CCDC187: variants seen among roughly 807,000 people sequenced by gnomAD.
CCDC187 encodes coiled-coil domain-containing protein 187.
A neutral mutation model predicts 38.0 loss-of-function variants in CCDC187; 32 were observed. That is an observed-to-expected ratio of 0.84 (90% CI 0.64 to 1.13). The LOEUF is 1.13. CCDC187 is among the 50% of genes most tolerant of loss of function. The pLI is 0.00. For missense variants in CCDC187, 707 were observed against 786.8 expected (o/e 0.90, Z 1.21); for synonymous variants, 333 against 347.9 (o/e 0.96, Z 0.48).
intron 14 of CCDC187, among the ~76,000 whole-genome samples, chr9:136,273,041 T>C (rs925343670): frequency 1.3e-5 from 2 of 152,136 alleles, no homozygotes; most frequent in East Asian, 3.9e-4. Context: ...GAGCCAACAA[T>C]GGAGATAAAA....
upstream of CCDC187, among the ~76,000 whole-genome samples, chr9:136,306,358 C>G (rs1048064592): frequency 2.0e-5 from 3 of 152,196 alleles, no homozygotes; most frequent in Admixed American, 2.0e-4. Context: ...CTCAGTGAGG[C>G]ACATGCAGTT....
intron 9 of CCDC187, among the ~76,000 whole-genome samples, chr9:136,282,622 C>T (rs1831072187): frequency 6.6e-6 from 1 of 152,204 alleles, no homozygotes; most frequent in Non-Finnish European, 1.5e-5. Flanking sequence ...AAGATGCTGC[C>T]CACACCTGTG....
rs1309914663 is a variant in CCDC187, at chr9:136,254,851, G to A, written c.4977C>T (p.Asp1659=). 6 of 982,538 alleles carry A rather than the reference G, an allele frequency of 6.1e-6. No homozygotes were observed. The East Asian group carries it at 3.4e-4, about 56-fold the overall frequency. The allele number at this position is 982,538 out of a possible 1,614,324, so 60.9% of individuals were successfully genotyped here. A position where few individuals can be genotyped will look rare whatever the true frequency, so the allele number is the denominator to read the frequency against. ...GCTCTCCAGGCCAGCTGAAACCTTC[G>A]TCTGGGGAGTCTTCAGCTTCCAAGC... is the stretch of plus-strand genomic sequence containing the variant. ...LPSLEAEDSP[D]EGFSWPGELS... is the part of the protein sequence containing the mutation. Residue 1659 remains aspartate, a synonymous_variant, in exon 26 of 26, where the codon GAC becomes GAT. Transcript: ENST00000638797.
rs1830567683 is a variant in CCDC187 at position 136,252,998 on chromosome 9, GC to G, written c.*595del. ...GGGCACTTGGCCTGGGAGAGAGGCT[GC>G]CGGGGCTGCCAACCAGGGACATGGA... On this transcript the variant is annotated 3_prime_UTR_variant, in exon 26 of 26. Transcript: ENST00000638797. 6.6e-6 allele frequency: 1 copy of G among 152,636 alleles called. No homozygotes were observed. Among genetic ancestry groups the G allele is most frequent in the Non-Finnish European group, 1.5e-5 (1 of 68,406 alleles). 9.5% of individuals were successfully genotyped at this position (152,636 alleles called of 1,614,324 possible).
chr9:136,271,180 A>C (rs1271840179), intron 14 of CCDC187, among the ~76,000 whole-genome samples: 4 of 152,210 alleles, frequency 2.6e-5, no homozygotes, highest in African/African-American at 7.2e-5. Flanking sequence ...TCCAAATTTG[A>C]AGAAAATGAA....
Position 136,264,674 on chromosome 9 carries a change from G to A in CCDC187, c.3736-876C>T, listed in dbSNP as rs1020344318. ...CATCCAGGGCAGGGATGGGGATCCCGGGGCTTTCCAGTCAACATAAGGTCC... is the reference window on the plus strand; with the variant it reads ...CATCCAGGGCAGGGATGGGGATCCCAGGGCTTTCCAGTCAACATAAGGTCC... On this transcript the variant is annotated intron_variant, in intron 17 of 25. Transcript: ENST00000638797. The surrounding 1 kb of genome is among the most constrained non-coding windows in gnomAD (Gnocchi z 4.3). 8.6e-5 allele frequency among the ~76,000 whole-genome samples: 13 copies of A among 152,040 alleles called. No individual in the cohort carries two copies. Among genetic ancestry groups the A allele is most frequent in the African/African-American group, 2.4e-4 (10 of 41,390 alleles).
At chr9:136,262,827 G>T (rs1420713880) in intron 18 of CCDC187, among the ~76,000 whole-genome samples, 1 of 152,142 alleles carries the variant, frequency 6.6e-6, no homozygotes, top group East Asian at 1.9e-4. Flanking sequence ...TGAGCCTGCT[G>T]CCCTCCCTGC....
Position 136,266,002 on chromosome 9 carries a change from A to AGC in CCDC187, c.3687_3688dup (p.Leu1230ArgfsTer23). On this transcript the variant is annotated frameshift_variant, in exon 17 of 26. Coordinates refer to ENST00000638797, the MANE Select transcript of CCDC187 (RefSeq NM_001378188.1). LOFTEE classifies it high-confidence loss of function. ...GAGGGCTTGCTGCTGCTTCTCAACC[A>AGC]GCGCGGCCAGCACAGCTCTGTCCCT... The AGC allele has an allele frequency of 7.1e-6, 7 of 985,442 alleles. No individual in the cohort carries two copies. Among genetic ancestry groups the AGC allele is most frequent in the Non-Finnish European group, 8.4e-6 (7 of 829,960 alleles). The allele number at this position is 985,442 out of a possible 1,614,324, so 61.0% of individuals were successfully genotyped here. A position where few individuals can be genotyped will look rare whatever the true frequency, so the allele number is the denominator to read the frequency against.
At chr9:136,287,360 T>C (rs1831206444) in intron 7 of CCDC187, among the ~76,000 whole-genome samples, 1 of 152,298 alleles carries the variant, frequency 6.6e-6, no homozygotes, top group African/African-American at 2.4e-5. Context: ...TTGTCTTACC[T>C]GAGTTCCTTT....
At chr9:136,268,191 T>G in intron 14 of CCDC187, 66 bp from the exon 15 acceptor site, 1 of 944,228 alleles carries the variant, frequency 1.1e-6, no homozygotes, top group Non-Finnish European at 1.3e-6. Flanking sequence ...AGGGGCCATT[T>G]CTACCGGAGG....
rs1042153137 is a variant in CCDC187 at position 136,291,202 on chromosome 9, G to A, written c.1411C>T (p.Arg471Cys). The A allele has an allele frequency of 9.8e-5, 39 of 398,548 alleles. No individual in the cohort carries two copies. The highest frequency in any genetic ancestry group is 1.5e-4 in the Non-Finnish European group (33 of 226,122). The allele number at this position is 398,548 out of a possible 1,614,324, so 24.7% of individuals were successfully genotyped here. Residue 471 changes from arginine to cysteine, a missense_variant, in exon 6 of 26, where the codon CGC (arginine) becomes TGC (cysteine). Physicochemically the swap from Arg to Cys is radical, Grantham distance 180. Coordinates refer to ENST00000638797, the MANE Select transcript of CCDC187 (RefSeq NM_001378188.1). ...GGACTCTCCGGCCTCTGGAAGGAGC[G>A]GTCCTGTCCTTGGGCCCCCCAGGCC... ...QRAWGAQGQD[R>C]SFQRPESPHE...
intron 7 of CCDC187, among the ~76,000 whole-genome samples, chr9:136,288,439 A>C (rs1427662198): frequency 6.6e-6 from 1 of 151,774 alleles, no homozygotes; most frequent in Non-Finnish European, 1.5e-5. Flanking sequence ...GAGGGAGTCC[A>C]GGGTGGGACG....
rs1329380281 is a variant in CCDC187, at chr9:136,250,427, T to C, written c.*3167A>G. 1 of 292,408 alleles carries C rather than the reference T, an allele frequency of 3.4e-6. No individual in the cohort carries two copies. The highest frequency in any genetic ancestry group is 3.0e-5 in the South Asian group (1 of 32,846). 18.1% of individuals were successfully genotyped at this position (292,408 alleles called of 1,614,324 possible). A position where few individuals can be genotyped will look rare whatever the true frequency, so the allele number is the denominator to read the frequency against. The stretch of plus-strand genomic sequence containing the variant: ...GCAGCGAGCCTGGGAGCCATCAGAT[T>C]CGCTGCAAATCTGCGGGGCTTCAGT... On this transcript the variant is annotated 3_prime_UTR_variant, in exon 26 of 26. Transcript: ENST00000638797.
intron 10 of CCDC187, among the ~76,000 whole-genome samples, chr9:136,280,274 T>TA (rs1304724193): frequency 6.6e-6 from 1 of 152,198 alleles, no homozygotes; most frequent in Non-Finnish European, 1.5e-5. Flanking sequence ...ACAGGCACTG[T>TA]AAGGGCCGGG....
intron 2 of CCDC187, among the ~76,000 whole-genome samples, chr9:136,301,529 T>C (rs1394514112): frequency 7.3e-5 from 11 of 151,252 alleles, no homozygotes; most frequent in African/African-American, 2.7e-4. Context: ...CTCAGTGACA[T>C]GGAATCATGC....
intron 1 of CCDC187, 24 bp from the exon 2 acceptor site, chr9:136,303,317 C>G (rs1020178332): frequency 2.5e-6 from 1 of 396,966 alleles, no homozygotes; most frequent in East Asian, 3.6e-5. Flanking sequence ...GCAGACATGC[C>G]GGTCAGACAT....
chr9:136,289,473 C>T (rs1410272166), intron 7 of CCDC187, among the ~76,000 whole-genome samples: 9 of 133,718 alleles, frequency 6.7e-5, no homozygotes, highest in African/African-American at 2.0e-4. Flanking sequence ...GAGCCAAGAT[C>T]GTGCCATTGC....
intron 9 of CCDC187, 65 bp downstream of exon 9, chr9:136,285,447 GT>G: frequency 2.6e-5 from 1 of 37,816 alleles, no homozygotes; most frequent in Non-Finnish European, 5.5e-5. Flanking sequence ...AGGTGGGCAG[GT>G]GGGCAGGTGG....
intron 24 of CCDC187, among the ~76,000 whole-genome samples, chr9:136,255,989 G>A (rs1233977603): frequency 6.6e-6 from 1 of 152,182 alleles, no homozygotes; most frequent in Non-Finnish European, 1.5e-5. Flanking sequence ...CAGGGGGTTC[G>A]AAGCCGCTCT....
Sources: gnomAD v4.1 joint callset for allele counts (sites outside exome capture counted in the v4.1 genomes callset) on GRCh38, gnomAD v4.1.1 for gene constraint, Gnocchi (gnomAD v3.1) non-coding constraint, MANE v1.5 for transcripts, NCBI Gene and HGNC (gene_info 2026-07-23, HGNC 2026-07-21) for gene names.